The following EYS variants were observed in gnomAD, a reference collection of about 807,000 sequenced individuals.
The protein encoded by EYS is protein eyes shut homolog.
In EYS, 250 loss-of-function variants were observed where a neutral mutation model predicts 282.1. That is an observed-to-expected ratio of 0.89 (90% CI 0.80 to 0.98). The LOEUF is 0.98. Ranked by LOEUF, EYS falls within the 50% of genes least tolerant of loss-of-function variation. The pLI is 0.00. For missense variants in EYS, 4,016 were observed against 3,709.0 expected, an observed-to-expected ratio of 1.08 and a Z score of -2.15; for synonymous variants, 1,355 against 1,282.9, an observed-to-expected ratio of 1.06 and a Z score of -1.20.
intron 22 of EYS, among the ~76,000 whole-genome samples, chr6:64,660,947 A>C (rs1185185019): frequency 6.6e-6 from 1 of 152,224 alleles, no homozygotes; most frequent in Non-Finnish European, 1.5e-5. Context: ...CTAAGCCAAA[A>C]GAACAAAGCT....
In EYS at chr6:64,950,762, G is replaced by A. The variant is rs976833734; in HGVS notation, c.2260-4848C>T. 2.8e-4 allele frequency among the ~76,000 whole-genome samples: 34 copies of A among 122,046 alleles called. 1 individual carries two copies. In the South Asian group the frequency reaches 7.4e-3, roughly 26 times the overall value. The allele number at this position is 122,046 out of a possible 152,430, so 80.1% of individuals were successfully genotyped here. ...CATCAGTTTATCAAAAACAAATGTA[G>A]AAACTGAATAAAAAATATATACACA... On this transcript the variant is annotated intron_variant, in intron 14 of 42. Transcript: ENST00000503581.
chr6:64,189,417 G>T (rs1372219798), intron 31 of EYS, among the ~76,000 whole-genome samples: 1 of 152,114 alleles, frequency 6.6e-6, no homozygotes, highest in African/African-American at 2.4e-5. Context: ...TATGAAATTC[G>T]AATTAAGTAA....
In EYS at chr6:63,720,804, A is replaced by G; in HGVS notation, c.9227T>C (p.Phe3076Ser). 2 of 1,550,946 alleles carry G rather than the reference A, an allele frequency of 1.3e-6. No individual in the cohort carries two copies. Among genetic ancestry groups the G allele is most frequent in the Non-Finnish European group, 1.7e-6 (2 of 1,146,466 alleles). ...LSEDIDPHKN[F>S]VALNYDGICY... ...AATGCCATCATAGTTTAGAGCCACAAAGTTTTTATGTGGATCAATATCCTC... is the reference window on the plus strand; with the variant it reads ...AATGCCATCATAGTTTAGAGCCACAGAGTTTTTATGTGGATCAATATCCTC... The change falls in exon 43 of 43, where the codon TTT becomes TCT. Residue 3076 changes from phenylalanine to serine, a missense_variant. By Grantham distance (155) the Phe-to-Ser change is radical (BLOSUM62 -2). Coordinates refer to ENST00000503581, the MANE Select transcript of EYS (RefSeq NM_001142800.2).
chr6:64,688,114 T>G (rs1770226611), intron 22 of EYS, among the ~76,000 whole-genome samples: 1 of 152,088 alleles, frequency 6.6e-6, no homozygotes, highest in Non-Finnish European at 1.5e-5. Context: ...TTCTTCTCTC[T>G]TTTCTTCTTT....
At chr6:65,416,575 C>T (rs1197038690) in intron 5 of EYS, among the ~76,000 whole-genome samples, 5 of 151,876 alleles carry the variant, frequency 3.3e-5, no homozygotes. Flanking sequence ...TAACAATGTG[C>T]ATATATCCAT....
At chr6:64,288,427 C>T (rs1331015214) in intron 30 of EYS, among the ~76,000 whole-genome samples, 1 of 152,034 alleles carries the variant, frequency 6.6e-6, no homozygotes, top group Non-Finnish European at 1.5e-5. Flanking sequence ...TTTGCCTCAC[C>T]GTTTTCTAGA....
At chr6:64,409,134 T>C (rs1773808293) in intron 28 of EYS, among the ~76,000 whole-genome samples, 1 of 152,220 alleles carries the variant, frequency 6.6e-6, no homozygotes, top group Non-Finnish European at 1.5e-5. Context: ...TTTCATTCCC[T>C]TTTATGGCTG....
chr6:65,186,473 T>G (rs923168060), intron 12 of EYS, among the ~76,000 whole-genome samples: 1 of 151,738 alleles, frequency 6.6e-6, no homozygotes, highest in African/African-American at 2.4e-5. Flanking sequence ...TACTGGTAAC[T>G]ACATATTTGT....
intron 12 of EYS, among the ~76,000 whole-genome samples, chr6:65,180,063 A>G (rs958807225): frequency 2.6e-5 from 4 of 152,138 alleles, no homozygotes; most frequent in African/African-American, 9.7e-5. Context: ...TCTCAAAATA[A>G]TAAGAGCTAT....
intron 15 of EYS, among the ~76,000 whole-genome samples, chr6:64,913,704 A>T (rs1420245573): frequency 1.3e-5 from 2 of 152,134 alleles, no homozygotes; most frequent in Non-Finnish European, 2.9e-5. Context: ...TGTGAATAGC[A>T]CTATGATAAA....
chr6:64,816,008 C>G (rs537512728), intron 21 of EYS, among the ~76,000 whole-genome samples: 3 of 152,218 alleles, frequency 2.0e-5, no homozygotes, highest in Admixed American at 1.3e-4. Flanking sequence ...GATCTCTTAA[C>G]TGCCTAGAAA....
At chr6:64,830,019 T>A (rs1227039630) in intron 19 of EYS, among the ~76,000 whole-genome samples, 1 of 151,956 alleles carries the variant, frequency 6.6e-6, no homozygotes, top group African/African-American at 2.4e-5. Flanking sequence ...TGATATGGAC[T>A]GAAATGTTTG....
chr6:65,176,072 T>C (rs1055165065), intron 12 of EYS, among the ~76,000 whole-genome samples: 3 of 151,374 alleles, frequency 2.0e-5, no homozygotes, highest in Non-Finnish European at 3.0e-5. Flanking sequence ...AAGTGTGTGT[T>C]TGTATGTGTG....
chr6:65,657,082 TACTG>T, intron 1 of EYS, among the ~76,000 whole-genome samples: 1 of 151,996 alleles, frequency 6.6e-6, no homozygotes, highest in Admixed American at 6.6e-5. Flanking sequence ...CAGCATGATT[TACTG>T]ACTATGTTAA....
At position 65,584,759 on chromosome 6, in the gene EYS, T is replaced by C. The variant is rs750887202; in HGVS notation, c.-333+55019A>G. 6.6e-5 allele frequency among the ~76,000 whole-genome samples: 10 copies of C among 151,700 alleles called. 1 individual carries two copies. The highest frequency in any genetic ancestry group is 1.3e-4 in the Non-Finnish European group (9 of 67,836). On this transcript the variant is annotated intron_variant, in intron 2 of 42. Transcript: ENST00000503581. Reference sequence around the variant, plus strand: ...TATAATATGAATATTATGGATGATATACATATCTTTATAATCCATTTAAAT... The same window carrying C: ...TATAATATGAATATTATGGATGATACACATATCTTTATAATCCATTTAAAT...
chr6:64,939,713 A>G (rs369721521), intron 15 of EYS, among the ~76,000 whole-genome samples: 17 of 151,982 alleles, frequency 1.1e-4, no homozygotes, highest in African/African-American at 4.1e-4. Flanking sequence ...ACTCATATGT[A>G]TAAGACATTG....
intron 31 of EYS, among the ~76,000 whole-genome samples, chr6:64,179,548 G>A (rs1389119067): frequency 3.9e-5 from 6 of 151,994 alleles, no homozygotes; most frequent in Non-Finnish European, 7.4e-5. Flanking sequence ...CACAGTAAGA[G>A]GCCTGGCACT....
rs182163372 is a variant in EYS, at chr6:64,244,939, T to C, written c.6192-14115A>G. Among the ~76,000 whole-genome samples, 8 of 151,918 alleles carry C rather than the reference T, an allele frequency of 5.3e-5. No homozygotes were observed. In the South Asian group the frequency reaches 8.3e-4, roughly 16 times the overall value. On this transcript the variant is annotated intron_variant, in intron 30 of 42. Transcript: ENST00000503581. ...GTGTGCTGCACCCATTAACTTGTCATTTACATTAGGTATATCTCCTAATGC... is the reference window on the plus strand; with the variant it reads ...GTGTGCTGCACCCATTAACTTGTCACTTACATTAGGTATATCTCCTAATGC...
chr6:65,513,592 A>G (rs1419029122), intron 2 of EYS, among the ~76,000 whole-genome samples: 7 of 150,864 alleles, frequency 4.6e-5, no homozygotes, highest in Admixed American at 2.0e-4. Context: ...CTTATCCACC[A>G]TGATTAAGTG....
Sources: allele counts gnomAD v4.1 joint callset (sites outside exome capture counted in the v4.1 genomes callset), GRCh38; gene constraint gnomAD v4.1.1; transcripts MANE v1.5; gene names NCBI Gene and HGNC (gene_info 2026-07-23, HGNC 2026-07-21).